Variants in EPB41L3 observed in about 807,000 individuals in gnomAD.
EPB41L3 encodes the protein erythrocyte membrane protein band 4.1 like 3.
In EPB41L3, 57 loss-of-function variants were observed where a neutral mutation model predicts 127.1. The ratio of observed to expected loss-of-function variants is 0.45; its 90% confidence interval spans 0.36 to 0.56. The LOEUF (loss-of-function observed/expected upper bound fraction) is 0.56, where lower values mean the gene tolerates loss of function less well. Among genes scored for constraint, EPB41L3 ranks in the 20% least tolerant of loss-of-function variants. The pLI is 0.00. For synonymous variants in EPB41L3, 572 were observed against 549.5 expected, an observed-to-expected ratio of 1.04 and a Z score of -0.57; for missense variants, 1,273 against 1,372.2, an observed-to-expected ratio of 0.93 and a Z score of 1.14.
chr18:5,537,006 T>C (rs1225128938), intron 1 of EPB41L3, among the ~76,000 whole-genome samples: 1 of 152,222 alleles, frequency 6.6e-6, no homozygotes, highest in Non-Finnish European at 1.5e-5. Context: ...GCTCAGTGTT[T>C]GCATGTATTA....
At chr18:5,484,085 T>TCAAAAAAAAAAAAA (rs2089159207) in intron 2 of EPB41L3, among the ~76,000 whole-genome samples, 1 of 3,836 alleles carries the variant, frequency 2.6e-4, no homozygotes, top group African/African-American at 9.2e-4. Flanking sequence ...CCAAACAAAC[T>TCAAAAAAAAAAAAA]CAAAAAAAAA....
At chr18:5,467,369 G>T (rs1313855359) in intron 3 of EPB41L3, 1 of 138,898 alleles carries the variant, frequency 7.2e-6, no homozygotes, top group African/African-American at 2.5e-5. Flanking sequence ...AACTTAAGGG[G>T]ATGATACTCT....
At chr18:5,417,748 T>A (rs1275596167) in intron 12 of EPB41L3, among the ~76,000 whole-genome samples, 2 of 152,198 alleles carry the variant, frequency 1.3e-5, no homozygotes, top group Admixed American at 6.5e-5. Context: ...GGGTCTCTTT[T>A]TACGATGAGA....
chr18:5,552,925 T>G (rs956000770), intron 3 of EPB41L3, among the ~76,000 whole-genome samples: 1 of 152,172 alleles, frequency 6.6e-6, no homozygotes, highest in African/African-American at 2.4e-5. Flanking sequence ...AATAAATACA[T>G]ACACACAGAT....
At chr18:5,493,399 C>A (rs2090820263) in intron 1 of EPB41L3, among the ~76,000 whole-genome samples, 1 of 152,092 alleles carries the variant, frequency 6.6e-6, no homozygotes. Flanking sequence ...TTAACATCAA[C>A]CTTTTTTTCT....
At chr18:5,419,563 C>A in intron 12 of EPB41L3, 148 bp downstream of exon 12, 1 of 1,182,188 alleles carries the variant, frequency 8.5e-7, no homozygotes, top group South Asian at 1.5e-5. Flanking sequence ...AAACAGCAAT[C>A]ATAATTTAAA....
At chr18:5,497,189 T>C (rs1164687502) in intron 1 of EPB41L3, among the ~76,000 whole-genome samples, 2 of 152,004 alleles carry the variant, frequency 1.3e-5, no homozygotes, top group African/African-American at 4.8e-5. Flanking sequence ...CAAGATAAGG[T>C]AGATATGAGG....
chr18:5,506,696 A>G (rs1244813198), intron 1 of EPB41L3, among the ~76,000 whole-genome samples: 2 of 152,146 alleles, frequency 1.3e-5, no homozygotes, highest in Non-Finnish European at 2.9e-5. Context: ...CCAGGCATCT[A>G]GAATAGTGCA....
In EPB41L3 at chr18:5,577,938, T is replaced by A. The variant is rs188098911; in HGVS notation, c.-306+34402A>T. On this transcript the variant is annotated intron_variant, in intron 3 of 21. Coordinates refer to the EPB41L3 transcript ENST00000545076. ...AAATTCTCCCCTTGTACTTTCTTTC[T>A]TCATATTTCCTTCAAAGGAGTCTGA... is the stretch of plus-strand genomic sequence containing the variant. 9.8e-5 allele frequency among the ~76,000 whole-genome samples: 15 copies of A among 152,324 alleles called. No homozygotes were observed. The East Asian group carries it at 2.9e-3, about 29-fold the overall frequency.
intron 3 of EPB41L3, among the ~76,000 whole-genome samples, chr18:5,570,592 T>G (rs553362379): frequency 6.6e-6 from 1 of 152,202 alleles, no homozygotes; most frequent in Admixed American, 6.5e-5. Flanking sequence ...TTTATTTTAT[T>G]TTACTTTATT....
chr18:5,405,252 T>A (rs995532048), intron 16 of EPB41L3, among the ~76,000 whole-genome samples: 7 of 152,234 alleles, frequency 4.6e-5, no homozygotes, highest in African/African-American at 1.7e-4. Flanking sequence ...GACCACTGTT[T>A]AAAGAATTTT....
rs1568150789 is a variant in EPB41L3 at position 5,433,510 on chromosome 18, T to G, written c.871A>C (p.Lys291Gln). The change falls in exon 8 of 23, where the codon AAA (lysine) becomes CAA (glutamine). Residue 291 changes from lysine (K) to glutamine (Q), a missense_variant. Lys to Gln is a moderately conservative substitution (Grantham distance 53). Coordinates refer to ENST00000341928, the MANE Select transcript of EPB41L3 (RefSeq NM_012307.5). ...TCTACCCCATACATTGATAATTTTT[T>G]GGCATTTTCCAAGAAATGCATCTCT... ...EAEMHFLENA[K>Q]KLSMYGVDLH... is the part of the protein sequence containing the mutation. 6 of 1,613,760 alleles carry G rather than the reference T, an allele frequency of 3.7e-6. No individual in the cohort carries two copies. The highest frequency in any genetic ancestry group is 3.4e-6 in the Non-Finnish European group (4 of 1,179,908).
intron 1 of EPB41L3, among the ~76,000 whole-genome samples, chr18:5,541,063 C>A (rs1262729624): frequency 1.7e-5 from 2 of 115,028 alleles, no homozygotes; most frequent in South Asian, 2.9e-4. Context: ...CCAGCCTGGG[C>A]GACAGAGCGA....
rs552263348 is a variant in EPB41L3 at position 5,440,736 on chromosome 18, C to T, written c.530-2626G>A. Reference sequence around the variant, plus strand: ...ATACTGCATTTATATCATAAAAGTGCGATATATGCTCTATGTCATAAAATT... The same window carrying T: ...ATACTGCATTTATATCATAAAAGTGTGATATATGCTCTATGTCATAAAATT... On this transcript the variant is annotated intron_variant, in intron 5 of 22. Coordinates refer to ENST00000341928, the MANE Select transcript of EPB41L3 (RefSeq NM_012307.5). Among the ~76,000 whole-genome samples, 49 of 151,988 alleles carry T rather than the reference C, an allele frequency of 3.2e-4. 1 individual carries two copies. Among genetic ancestry groups the T allele is most frequent in the African/African-American group, 9.2e-4 (38 of 41,472 alleles).
chr18:5,413,510 C>A (rs1294387959), intron 13 of EPB41L3, among the ~76,000 whole-genome samples: 1 of 152,106 alleles, frequency 6.6e-6, no homozygotes, highest in East Asian at 1.9e-4. Flanking sequence ...AGTGACTTGG[C>A]AAAACGAAAG....
chr18:5,534,509 A>C (rs903914027), intron 1 of EPB41L3, among the ~76,000 whole-genome samples: 4 of 152,206 alleles, frequency 2.6e-5, no homozygotes, highest in African/African-American at 9.6e-5. Flanking sequence ...CTCATCAGGT[A>C]ATTCTGTTGT....
intron 18 of EPB41L3, 69 bp from the exon 19 acceptor site, chr18:5,396,401 C>T (rs572428305): frequency 3.0e-4 from 472 of 1,587,350 alleles, no homozygotes; most frequent in Non-Finnish European, 3.8e-4. Flanking sequence ...CTTCCTTTTC[C>T]TCTCTTGGTG....
intron 18 of EPB41L3, 129 bp downstream of exon 18, chr18:5,396,929 A>G: frequency 2.0e-6 from 2 of 979,414 alleles, no homozygotes; most frequent in East Asian, 2.5e-5. Context: ...AGGAAATGAG[A>G]GGAGAAATAC....
At chr18:5,476,049 GT>G (rs1013033871) in intron 3 of EPB41L3, among the ~76,000 whole-genome samples, 3 of 151,996 alleles carry the variant, frequency 2.0e-5, no homozygotes, top group Non-Finnish European at 2.9e-5. Flanking sequence ...ATTGTAACAT[GT>G]TTTTTATTTT....
Sources: allele counts gnomAD v4.1 joint callset (sites outside exome capture counted in the v4.1 genomes callset), GRCh38; gene constraint gnomAD v4.1.1; transcripts MANE v1.5; gene names NCBI Gene and HGNC (gene_info 2026-07-23, HGNC 2026-07-21).